The following ARHGAP15 variants were observed in gnomAD, a reference collection of about 807,000 sequenced individuals.
ARHGAP15 encodes the protein Rho GTPase activating protein 15, also known as rho GTPase-activating protein 15.
A neutral mutation model predicts 63.7 loss-of-function variants in ARHGAP15; 51 were observed. That is an observed-to-expected ratio of 0.80 (90% CI 0.64 to 1.01). The LOEUF (loss-of-function observed/expected upper bound fraction) is 1.01, where lower values mean the gene tolerates loss of function less well. Among genes scored for constraint, ARHGAP15 ranks in the 50% least tolerant of loss-of-function variants. The probability of loss-of-function intolerance (pLI) is 0.00; values close to 1 mark genes in which losing one functional copy is unlikely to be tolerated. For missense variants in ARHGAP15, 560 were observed against 564.6 expected, an observed-to-expected ratio of 0.99 and a Z score of 0.08; for synonymous variants, 191 against 193.8, an observed-to-expected ratio of 0.99 and a Z score of 0.12.
chr2:143,695,235 A>G (rs562582626), intron 12 of ARHGAP15, among the ~76,000 whole-genome samples: 15 of 152,350 alleles, frequency 9.8e-5, no homozygotes, highest in Middle Eastern at 3.4e-3. Flanking sequence ...AGAGAAATTC[A>G]GAGAAATAAA....
At chr2:143,317,053 TCTCC>T (rs1683754046) in intron 6 of ARHGAP15, among the ~76,000 whole-genome samples, 1 of 152,166 alleles carries the variant, frequency 6.6e-6, no homozygotes, top group Non-Finnish European at 1.5e-5. Context: ...TCTCTCTCTC[TCTCC>T]AACTTTACCC....
chr2:143,549,596 G>A (rs1695472236), intron 10 of ARHGAP15, among the ~76,000 whole-genome samples: 1 of 152,112 alleles, frequency 6.6e-6, no homozygotes, highest in South Asian at 2.1e-4. Context: ...GTGAGAACTG[G>A]GCTCCTCTTT....
intron 1 of ARHGAP15, among the ~76,000 whole-genome samples, chr2:143,152,040 G>A (rs1320699665): frequency 6.6e-6 from 1 of 151,882 alleles, no homozygotes; most frequent in Non-Finnish European, 1.5e-5. Context: ...AAAACATTGT[G>A]TGTTATGTAC....
intron 10 of ARHGAP15, among the ~76,000 whole-genome samples, chr2:143,538,158 A>C (rs1447234686): frequency 2.0e-5 from 3 of 152,050 alleles, no homozygotes; most frequent in Admixed American, 6.5e-5. Context: ...ATGGGAGTTC[A>C]CTCATGATTT....
At position 143,556,415 on chromosome 2, in the gene ARHGAP15, T is replaced by C. The variant is rs748489025; in HGVS notation, c.933T>C (p.Asp311=). ...CIEAVEKRGL[D]VDGIYRVSGN... ...ATGCCCTTTTGTCTTCAGGTCTAGA[T>C]GTTGATGGAATATATCGAGTTAGTG... is the stretch of plus-strand genomic sequence containing the variant. Residue 311 remains aspartate, a synonymous_variant, in exon 11 of 14, where the codon GAT becomes GAC. Transcript: ENST00000295095. 2 of 1,611,626 alleles carry C rather than the reference T, an allele frequency of 1.2e-6. No individual in the cohort carries two copies. The highest frequency in any genetic ancestry group is 1.7e-6 in the Non-Finnish European group (2 of 1,178,360).
chr2:143,514,649 C>T (rs1693727657), intron 9 of ARHGAP15, among the ~76,000 whole-genome samples: 1 of 152,140 alleles, frequency 6.6e-6, no homozygotes, highest in African/African-American at 2.4e-5. Context: ...ATCTCAGTGG[C>T]ATATAACACC....
chr2:143,455,041 C>G (rs1017894211), intron 8 of ARHGAP15, among the ~76,000 whole-genome samples: 7 of 151,792 alleles, frequency 4.6e-5, no homozygotes, highest in African/African-American at 1.7e-4. Flanking sequence ...TTGGACCTCG[C>G]GCAAGAAAGA....
chr2:143,390,563 A>T (rs904546963), intron 6 of ARHGAP15, among the ~76,000 whole-genome samples: 4 of 152,120 alleles, frequency 2.6e-5, no homozygotes, highest in African/African-American at 7.2e-5. Context: ...ATGCTTTTGA[A>T]TAAATTCATG....
At chr2:143,460,521 C>A (rs551917288) in intron 8 of ARHGAP15, among the ~76,000 whole-genome samples, 1 of 152,124 alleles carries the variant, frequency 6.6e-6, no homozygotes, top group Non-Finnish European at 1.5e-5. Flanking sequence ...GACAAAGTAT[C>A]TGAATAATGT....
At chr2:143,685,740 G>T (rs1683305625) in intron 12 of ARHGAP15, among the ~76,000 whole-genome samples, 1 of 152,140 alleles carries the variant, frequency 6.6e-6, no homozygotes, top group African/African-American at 2.4e-5. Flanking sequence ...AGCCATCAGT[G>T]TCCACCTGTG....
intron 1 of ARHGAP15, among the ~76,000 whole-genome samples, chr2:143,154,185 T>A (rs983218924): frequency 6.6e-6 from 1 of 151,838 alleles, no homozygotes; most frequent in South Asian, 2.1e-4. Flanking sequence ...TTAATGGCTA[T>A]TTTATAGGAG....
intron 12 of ARHGAP15, among the ~76,000 whole-genome samples, chr2:143,665,168 A>G (rs1401605076): frequency 1.3e-5 from 2 of 149,808 alleles, no homozygotes; most frequent in Admixed American, 6.6e-5. Flanking sequence ...AAAATCCTCA[A>G]TAAAATACTG....
At chr2:143,532,604 T>C (rs947067881) in intron 10 of ARHGAP15, among the ~76,000 whole-genome samples, 31 of 152,296 alleles carry the variant, frequency 2.0e-4, no homozygotes, top group Admixed American at 6.5e-4. Flanking sequence ...TATTCTTGAC[T>C]TAAAGTAGTT....
chr2:143,441,669 A>C lies in ARHGAP15; in HGVS notation c.703+4627A>C. Among the ~76,000 whole-genome samples, 3 of 152,314 alleles carry C rather than the reference A, an allele frequency of 2.0e-5. No homozygotes were observed. In the South Asian group the frequency reaches 6.2e-4, roughly 32 times the overall value. ...TATCAATTGCTAAACTGTAAAATCC[A>C]TGAGTGTGGAGACCTTGGATAACTT... On this transcript the variant is annotated intron_variant, in intron 8 of 13. Transcript: ENST00000295095.
chr2:143,763,905 A>G (rs1574938851), intron 13 of ARHGAP15, among the ~76,000 whole-genome samples: 1 of 150,782 alleles, frequency 6.6e-6, no homozygotes, highest in East Asian at 1.9e-4. Flanking sequence ...TTTCTTAATG[A>G]CTCTTAATTT....
Position 143,181,054 on chromosome 2 carries a change from A to C in ARHGAP15, c.166-21080A>C, listed in dbSNP as rs560321250. 2.0e-5 allele frequency among the ~76,000 whole-genome samples: 3 copies of C among 152,352 alleles called. No individual in the cohort carries two copies. In the East Asian group the frequency reaches 5.8e-4, roughly 29 times the overall value. On this transcript the variant is annotated intron_variant, in intron 2 of 13. Transcript: ENST00000295095. ...AGCTGCAGAATGGATGTTAGCAAGC[A>C]TGAGAACAACATTATTGTCCTTGTA...
At chr2:143,753,494 A>G (rs917765933) in intron 13 of ARHGAP15, among the ~76,000 whole-genome samples, 13 of 152,226 alleles carry the variant, frequency 8.5e-5, no homozygotes, top group African/African-American at 2.9e-4. Context: ...CGGACGATAG[A>G]ATCATGAGTT....
chr2:143,390,962 T>C (rs898754018), intron 6 of ARHGAP15, among the ~76,000 whole-genome samples: 1 of 152,212 alleles, frequency 6.6e-6, no homozygotes, highest in Non-Finnish European at 1.5e-5. Flanking sequence ...ACCAGCTTTT[T>C]ACCTAGGGTT....
chr2:143,573,090 A>G (rs920225054), intron 11 of ARHGAP15, among the ~76,000 whole-genome samples: 2 of 152,180 alleles, frequency 1.3e-5, no homozygotes, highest in Non-Finnish European at 2.9e-5. Context: ...TGCTAACTAC[A>G]GTGCAGCTTC....
Sources: gnomAD v4.1 joint callset for allele counts (sites outside exome capture counted in the v4.1 genomes callset) on GRCh38, gnomAD v4.1.1 for gene constraint, MANE v1.5 for transcripts, NCBI Gene and HGNC (gene_info 2026-07-23, HGNC 2026-07-21) for gene names.